RTN4: variants seen among roughly 807,000 people sequenced by gnomAD.
RTN4 encodes the protein reticulon-4.
A neutral mutation model predicts 90.4 loss-of-function variants in RTN4; 32 were observed. The ratio of observed to expected loss-of-function variants is 0.35; its 90% CI spans 0.27 to 0.48. The LOEUF is 0.48. Among genes scored for constraint, RTN4 ranks in the 20% least tolerant of loss-of-function variants. The pLI is 0.99. For missense variants in RTN4, 1,706 were observed against 1,430.2 expected (o/e 1.19, Z -3.11); for synonymous variants, 629 against 552.5 (o/e 1.14, Z -1.94).
intron 1 of RTN4, among the ~76,000 whole-genome samples, chr2:55,047,600 C>G (rs537438747): frequency 2.6e-5 from 4 of 151,800 alleles, no homozygotes; most frequent in Non-Finnish European, 5.9e-5. Flanking sequence ...GACTGATTTT[C>G]TTTTAAGAAA....
At chr2:54,976,137 T>C (rs1397012912) in intron 5 of RTN4, among the ~76,000 whole-genome samples, 7 of 152,232 alleles carry the variant, frequency 4.6e-5, no homozygotes, top group Non-Finnish European at 7.3e-5. Flanking sequence ...TGACCTTCCA[T>C]ATTTTAGAAG....
chr2:55,117,062 TG>T (rs1244614642), upstream of RTN4, among the ~76,000 whole-genome samples: 3 of 151,978 alleles, frequency 2.0e-5, no homozygotes, highest in African/African-American at 7.2e-5. Flanking sequence ...TTAGCAGAGA[TG>T]GGGTTTCATC....
chr2:55,110,978 T>C (rs1337224934), intron 1 of RTN4, among the ~76,000 whole-genome samples: 2 of 151,826 alleles, frequency 1.3e-5, no homozygotes, highest in African/African-American at 4.8e-5. Flanking sequence ...GAGGTGGAGG[T>C]TGCAGTGAGC....
intron 5 of RTN4, among the ~76,000 whole-genome samples, chr2:54,981,970 T>G (rs1374577430): frequency 6.6e-6 from 1 of 152,048 alleles, no homozygotes; most frequent in African/African-American, 2.4e-5. Flanking sequence ...TAATTTTTTT[T>G]TGAGACAGAG....
intron 1 of RTN4, among the ~76,000 whole-genome samples, chr2:55,100,506 T>C (rs954625544): frequency 6.6e-6 from 1 of 152,138 alleles, no homozygotes; most frequent in Non-Finnish European, 1.5e-5. Context: ...ATCTCAGCAC[T>C]GCTGCAACTG....
chr2:55,049,063 G>A (rs1667942565), intron 1 of RTN4: 3 of 976,844 alleles, frequency 3.1e-6, no homozygotes, highest in African/African-American at 3.5e-5. Context: ...GGAGCTGGGC[G>A]GTGGCAGGAC....
chr2:55,013,968 T>C (rs1045757289), intron 3 of RTN4, among the ~76,000 whole-genome samples: 1 of 152,140 alleles, frequency 6.6e-6, no homozygotes, highest in Admixed American at 6.5e-5. Context: ...CCACAGAAAA[T>C]AGGCATGTTT....
chr2:54,986,055 G>T (rs1678535518), intron 4 of RTN4, among the ~76,000 whole-genome samples: 2 of 152,098 alleles, frequency 1.3e-5, no homozygotes, highest in Admixed American at 1.3e-4. Flanking sequence ...ACCAAACTAA[G>T]AACCAAATAA....
chr2:55,131,487 C>T, the RTN4 span, among the ~76,000 whole-genome samples: 6 of 152,124 alleles, frequency 3.9e-5, no homozygotes, highest in Admixed American at 1.3e-4. Context: ...GGATTACAGA[C>T]GTGAGCTACT....
chr2:55,087,004 T>C (rs1298873824), intron 1 of RTN4, among the ~76,000 whole-genome samples: 2 of 152,284 alleles, frequency 1.3e-5, no homozygotes, highest in South Asian at 4.1e-4. Context: ...ATGTGCTTTT[T>C]GATATCTGGG....
intron 1 of RTN4, among the ~76,000 whole-genome samples, chr2:55,033,349 T>C (rs980362304): frequency 1.3e-5 from 2 of 152,238 alleles, no homozygotes; most frequent in Non-Finnish European, 2.9e-5. Flanking sequence ...TATATACAGA[T>C]GATCCTCATT....
chr2:55,137,597 T>C, the RTN4 span, among the ~76,000 whole-genome samples: 30 of 152,188 alleles, frequency 2.0e-4, no homozygotes, highest in South Asian at 2.9e-3. Flanking sequence ...CTCTCTTGCC[T>C]GGACTCTGAC....
intron 3 of RTN4, among the ~76,000 whole-genome samples, chr2:54,996,572 C>T (rs545854204): frequency 6.6e-6 from 1 of 152,096 alleles, no homozygotes; most frequent in Admixed American, 6.5e-5. Flanking sequence ...GGTGCCAAGG[C>T]AACTCAATAA....
intron 1 of RTN4, among the ~76,000 whole-genome samples, chr2:55,095,997 CT>C (rs768444426): frequency 6.6e-6 from 1 of 152,154 alleles, no homozygotes; most frequent in Non-Finnish European, 1.5e-5. Flanking sequence ...GGGAGAGAGA[CT>C]ACAGAGGTAA....
At chr2:55,066,275 G>T (rs893917012) in intron 2 of RTN4, among the ~76,000 whole-genome samples, 10 of 151,854 alleles carry the variant, frequency 6.6e-5, no homozygotes, top group Admixed American at 2.6e-4. Context: ...TTCCTGGAAG[G>T]ACACACAGGA....
At chr2:55,117,254 C>A (rs992596921), upstream of RTN4, among the ~76,000 whole-genome samples, 2 of 152,162 alleles carry the variant, frequency 1.3e-5, no homozygotes, top group African/African-American at 4.8e-5. Flanking sequence ...CTTGAAATAG[C>A]CCTGGGTCAT....
intron 1 of RTN4, among the ~76,000 whole-genome samples, chr2:55,098,290 C>T (rs1667788223): frequency 6.6e-6 from 1 of 152,092 alleles, no homozygotes; most frequent in Admixed American, 6.6e-5. Context: ...ATCCTAGTGT[C>T]TAAAGTAAAA....
At chr2:55,052,431 C>A (rs1411259322), upstream of RTN4, among the ~76,000 whole-genome samples, 2 of 152,152 alleles carry the variant, frequency 1.3e-5, no homozygotes, top group Non-Finnish European at 2.9e-5. Context: ...GATTTCCTGG[C>A]AATGTTACTT....
In RTN4 at chr2:54,972,965, A is replaced by T; in HGVS notation, c.*191T>A. On this transcript the variant is annotated 3_prime_UTR_variant, in exon 9 of 9. Coordinates refer to ENST00000337526, the MANE Select transcript of RTN4 (RefSeq NM_020532.5). ...CATACATAGCAGCTTACAATACTTA[A>T]GATGATGAACACATGGCAGTCAAGA... 2 of 493,662 alleles carry T rather than the reference A, an allele frequency of 4.1e-6. No individual in the cohort carries two copies. Among genetic ancestry groups the T allele is most frequent in the Non-Finnish European group, 3.7e-6 (1 of 273,428 alleles). The allele number at this position is 493,662 out of a possible 1,614,324, so 30.6% of individuals were successfully genotyped here.
Sources: gnomAD v4.1 joint callset for allele counts (sites outside exome capture counted in the v4.1 genomes callset) on GRCh38, gnomAD v4.1.1 for gene constraint, MANE v1.5 for transcripts, NCBI Gene and HGNC (gene_info 2026-07-23, HGNC 2026-07-21) for gene names.